Variants in CFAP299 observed in about 807,000 individuals in gnomAD.
CFAP299 encodes cilia- and flagella-associated protein 299.
CFAP299 carries 21 observed loss-of-function variants against 27.0 expected under a neutral mutation model. The observed-to-expected ratio is 0.78, with a 90% confidence interval of 0.55 to 1.12. CFAP299 has a LOEUF of 1.12. CFAP299 is among the 50% of genes most tolerant of loss of function. The pLI, the probability that CFAP299 is intolerant of heterozygous loss-of-function variation, is 0.00. For missense variants in CFAP299, 310 were observed against 276.6 expected (o/e 1.12, Z -0.86); for synonymous variants, 104 against 98.1 (o/e 1.06, Z -0.36).
intron 3 of CFAP299, among the ~76,000 whole-genome samples, chr4:80,809,249 A>T (rs1170151927): frequency 6.6e-6 from 1 of 152,088 alleles, no homozygotes; most frequent in Non-Finnish European, 1.5e-5. Flanking sequence ...GGCACACCCT[A>T]TAATTATATG....
intron 2 of CFAP299, among the ~76,000 whole-genome samples, chr4:80,541,471 T>A (rs1311092076): frequency 6.6e-6 from 1 of 152,230 alleles, no homozygotes; most frequent in African/African-American, 2.4e-5. Flanking sequence ...TCATTTTATA[T>A]AGGATTATTT....
intron 3 of CFAP299, among the ~76,000 whole-genome samples, chr4:80,839,275 C>T (rs1250066858): frequency 2.0e-5 from 3 of 152,052 alleles, no homozygotes; most frequent in East Asian, 1.9e-4. Flanking sequence ...TCAGCATCAT[C>T]GCAAAGTATG....
intron 2 of CFAP299, among the ~76,000 whole-genome samples, chr4:80,539,597 T>C (rs570935586): frequency 6.6e-6 from 1 of 152,240 alleles, no homozygotes; most frequent in East Asian, 1.9e-4. Flanking sequence ...GAGAGTTAAA[T>C]ACAGGAAGCA....
intron 4 of CFAP299, among the ~76,000 whole-genome samples, chr4:80,914,119 A>G (rs1735627000): frequency 6.6e-6 from 1 of 152,190 alleles, no homozygotes; most frequent in Non-Finnish European, 1.5e-5. Context: ...TGAATTCCTC[A>G]TAGTCTGTGT....
At chr4:80,902,665 A>G (rs1734989297) in intron 4 of CFAP299, among the ~76,000 whole-genome samples, 1 of 148,646 alleles carries the variant, frequency 6.7e-6, no homozygotes, top group Admixed American at 6.8e-5. Flanking sequence ...TATATCATCA[A>G]CCTTTGGTAA....
At chr4:80,723,651 A>G (rs1015619327) in intron 3 of CFAP299, among the ~76,000 whole-genome samples, 1 of 152,124 alleles carries the variant, frequency 6.6e-6, no homozygotes, top group Non-Finnish European at 1.5e-5. Context: ...TGATATATTT[A>G]TTATCTTTAT....
intron 5 of CFAP299, among the ~76,000 whole-genome samples, chr4:80,960,495 C>G (rs533092433): frequency 6.6e-6 from 1 of 151,858 alleles, no homozygotes; most frequent in South Asian, 2.1e-4. Flanking sequence ...TTTTAGGGTC[C>G]TTAGTAAGTC....
At chr4:80,379,857 G>A (rs561262429) in intron 2 of CFAP299, among the ~76,000 whole-genome samples, 1 of 152,106 alleles carries the variant, frequency 6.6e-6, no homozygotes, top group Non-Finnish European at 1.5e-5. Context: ...TCACTTGCAT[G>A]TGTATTCCCT....
intron 4 of CFAP299, among the ~76,000 whole-genome samples, chr4:80,915,278 G>GT (rs553212459): frequency 1.6e-3 from 235 of 151,572 alleles, no homozygotes; most frequent in African/African-American, 5.3e-3. Flanking sequence ...GTTTTACAGG[G>GT]TTTTTTTTAA....
intron 3 of CFAP299, among the ~76,000 whole-genome samples, chr4:80,821,379 G>A (rs976636175): frequency 6.6e-6 from 1 of 152,062 alleles, no homozygotes; most frequent in Admixed American, 6.6e-5. Flanking sequence ...TGAAAAACAA[G>A]GATTTTTAAC....
chr4:80,832,279 G>C (rs1285624984), intron 3 of CFAP299, among the ~76,000 whole-genome samples: 1 of 152,100 alleles, frequency 6.6e-6, no homozygotes, highest in East Asian at 1.9e-4. Flanking sequence ...CGGTGCCATT[G>C]ATCAGAGGTA....
chr4:80,423,872 G>A (rs1727412161), intron 2 of CFAP299, among the ~76,000 whole-genome samples: 1 of 152,184 alleles, frequency 6.6e-6, no homozygotes, highest in African/African-American at 2.4e-5. Flanking sequence ...CCTATGAGCT[G>A]TCTGTGTTCC....
At chr4:80,346,460 A>G (rs1304907358) in intron 1 of CFAP299, among the ~76,000 whole-genome samples, 1 of 152,198 alleles carries the variant, frequency 6.6e-6, no homozygotes, top group African/African-American at 2.4e-5. Flanking sequence ...TATAAGGTGT[A>G]AGGAAGGGAT....
chr4:80,949,884 G>A (rs1055891380), intron 5 of CFAP299, among the ~76,000 whole-genome samples: 1 of 152,038 alleles, frequency 6.6e-6, no homozygotes, highest in Non-Finnish European at 1.5e-5. Context: ...TGAAAGTTGG[G>A]CTTTAATGTT....
In CFAP299 at chr4:80,512,114, G is replaced by A. The variant is rs551515304; in HGVS notation, c.243-70979G>A. 1.8e-4 allele frequency among the ~76,000 whole-genome samples: 28 copies of A among 152,110 alleles called. No homozygotes were observed. In the East Asian group the frequency reaches 2.5e-3, roughly 14 times the overall value. Reference sequence around the variant, plus strand: ...CACTTTTTAACACTTTTATTTGTGCGAAATCAGATTAAAATGCCTATTAAG... The same window carrying A: ...CACTTTTTAACACTTTTATTTGTGCAAAATCAGATTAAAATGCCTATTAAG... On this transcript the variant is annotated intron_variant, in intron 2 of 5. Coordinates refer to ENST00000358105, the MANE Select transcript of CFAP299 (RefSeq NM_152770.3).
chr4:80,483,320 C>T (rs1253735058), intron 2 of CFAP299, among the ~76,000 whole-genome samples: 1 of 152,186 alleles, frequency 6.6e-6, no homozygotes, highest in African/African-American at 2.4e-5. Flanking sequence ...TGCCTTACAC[C>T]ACTAAGTTGG....
chr4:80,335,964 CT>C lies in CFAP299; in HGVS notation c.111+86del, dbSNP rs1722119119. On this transcript the variant is annotated intron_variant, in intron 1 of 5. Transcript: ENST00000358105. Reference sequence around the variant, plus strand: ...TCCCGCTTCGTGGGCTGGTCGCCCCCTGGCGCTGGACAGCTCAGCTGTCAGG... The same window carrying C: ...TCCCGCTTCGTGGGCTGGTCGCCCCCGGCGCTGGACAGCTCAGCTGTCAGG... The C allele has an allele frequency of 8.0e-6, 7 of 876,322 alleles. No individual in the cohort carries two copies. In the South Asian group the frequency reaches 9.4e-5, roughly 12 times the overall value. The allele number at this position is 876,322 out of a possible 1,614,324, so 54.3% of individuals were successfully genotyped here. A position where few individuals can be genotyped will look rare whatever the true frequency, so the allele number is the denominator to read the frequency against.
At chr4:80,924,686 G>C (rs879261512) in intron 4 of CFAP299, among the ~76,000 whole-genome samples, 6 of 150,970 alleles carry the variant, frequency 4.0e-5, no homozygotes, top group African/African-American at 1.5e-4. Flanking sequence ...GCTTTCCAAG[G>C]TGTATAACTT....
chr4:80,953,489 T>A (rs17005013), intron 5 of CFAP299, among the ~76,000 whole-genome samples: 3,109 of 152,278 alleles, frequency 0.02, 116 homozygotes, highest in East Asian at 0.14. Context: ...CTCAACTAAC[T>A]ACTGCTAAAA....
Sources: gnomAD v4.1 joint callset for allele counts (sites outside exome capture counted in the v4.1 genomes callset) on GRCh38, gnomAD v4.1.1 for gene constraint, MANE v1.5 for transcripts, NCBI Gene and HGNC (gene_info 2026-07-23, HGNC 2026-07-21) for gene names.